The following KLHL26 variants were observed in gnomAD, a reference collection of about 807,000 sequenced individuals.
KLHL26 encodes the protein kelch like family member 26.
Under a neutral mutation model 7.1 loss-of-function variants are expected in KLHL26, and 4 were observed. The observed-to-expected ratio is 0.56, with a 90% CI of 0.28 to 1.28. KLHL26 has a LOEUF of 1.28. Ranked by LOEUF, KLHL26 falls within the 50% of genes most tolerant of loss-of-function variation. The pLI, the probability that KLHL26 is intolerant of heterozygous loss-of-function variation, is 0.11. For missense variants in KLHL26, 896 were observed against 924.6 expected (o/e 0.97, Z 0.40); for synonymous variants, 465 against 414.1 (o/e 1.12, Z -1.49).
At chr19:18,665,893 C>G (rs1044107146) in intron 2 of KLHL26, among the ~76,000 whole-genome samples, 1 of 152,308 alleles carries the variant, frequency 6.6e-6, no homozygotes. Flanking sequence ...CCCCGAGGCC[C>G]GGGCCGCCTG....
intron 1 of KLHL26, among the ~76,000 whole-genome samples, chr19:18,645,675 G>A (rs1162397434): frequency 6.6e-6 from 1 of 152,028 alleles, no homozygotes; most frequent in Non-Finnish European, 1.5e-5. Flanking sequence ...AGTCAGGTGT[G>A]GTGGTGGGCG....
chr19:18,666,646 C>T (rs569472676), intron 2 of KLHL26, among the ~76,000 whole-genome samples: 19 of 152,208 alleles, frequency 1.2e-4, no homozygotes, highest in African/African-American at 1.7e-4. Flanking sequence ...AGGCTGGGGA[C>T]GTAGCTGTTG....
chr19:18,664,626 G>T (rs1164094837), intron 2 of KLHL26, among the ~76,000 whole-genome samples, 183 bp downstream of exon 2: 1 of 151,940 alleles, frequency 6.6e-6, no homozygotes, highest in Non-Finnish European at 1.5e-5. Flanking sequence ...CTGTTGCCCA[G>T]GCTGGAGTGC....
chr19:18,655,586 C>T (rs2052321592), intron 1 of KLHL26, among the ~76,000 whole-genome samples: 1 of 150,892 alleles, frequency 6.6e-6, no homozygotes, highest in South Asian at 2.1e-4. Context: ...GGGCCAGGAG[C>T]CAAGACTGCA....
chr19:18,645,522 G>T (rs1450437690), intron 1 of KLHL26, among the ~76,000 whole-genome samples: 1 of 152,086 alleles, frequency 6.6e-6, no homozygotes, highest in Non-Finnish European at 1.5e-5. Context: ...TGCATAAGAA[G>T]TGGTGGCTAG....
rs761846649 is a variant in KLHL26, at chr19:18,667,766, C to A, written c.369C>A (p.Ser123Arg). ...GLRHIIDFAY[S>R]AEVTLDLDCV... ...GGCACATCATCGACTTCGCCTACAG[C>A]GCCGAGGTGACACTGGACCTGGACT... The change falls in exon 3 of 3, where the codon AGC becomes AGA. Residue 123 changes from serine (S) to arginine (R), a missense_variant. By Grantham distance (110) the Ser-to-Arg change is moderately radical. Transcript: ENST00000300976. The A allele has an allele frequency of 5.6e-6, 9 of 1,613,188 alleles. No homozygotes were observed. Among genetic ancestry groups the A allele is most frequent in the Non-Finnish European group, 6.8e-6 (8 of 1,180,008 alleles).
intron 2 of KLHL26, among the ~76,000 whole-genome samples, chr19:18,665,708 G>T (rs1044546789): frequency 3.3e-5 from 5 of 152,200 alleles, no homozygotes; most frequent in Non-Finnish European, 5.9e-5. Flanking sequence ...GCTGTGGGGT[G>T]GGGGGTGCTT....
chr19:18,645,051 C>T (rs1313693882), intron 1 of KLHL26, among the ~76,000 whole-genome samples: 1 of 152,172 alleles, frequency 6.6e-6, no homozygotes, highest in East Asian at 1.9e-4. Flanking sequence ...AACAAAAAAC[C>T]CGTTGCCTAG....
chr19:18,668,905 TG>T lies in KLHL26; in HGVS notation c.1510del (p.Val504TrpfsTer39), dbSNP rs1441544429. The T allele has an allele frequency of 1.9e-6, 3 of 1,604,250 alleles. No homozygotes were observed. Among genetic ancestry groups the T allele is most frequent in the Non-Finnish European group, 2.5e-6 (3 of 1,179,536 alleles). ...AGCGAACCCCGCGTGCTACACGCCA[TG>T]GTGGGTGCCGGCGGCCGCATCTATG... ...PMSEPRVLHA[M>X]VGAGGRIYAL... is the part of the protein sequence containing the mutation. On this transcript the variant is annotated frameshift_variant, in exon 3 of 3. Transcript: ENST00000300976. LOFTEE classifies it low-confidence loss of function (END_TRUNC).
At chr19:18,643,722 C>T (rs1255452840) in intron 1 of KLHL26, among the ~76,000 whole-genome samples, 2 of 151,950 alleles carry the variant, frequency 1.3e-5, no homozygotes, top group African/African-American at 4.8e-5. Context: ...AGGTTATCCG[C>T]CCACCTTGGC....
chr19:18,657,033 C>T (rs543025718), intron 1 of KLHL26, among the ~76,000 whole-genome samples: 38 of 151,480 alleles, frequency 2.5e-4, no homozygotes, highest in African/African-American at 9.2e-4. Context: ...GTCTCTGTCC[C>T]TCTGTTTCTG....
At chr19:18,640,551 A>AT (rs56247740) in intron 1 of KLHL26, among the ~76,000 whole-genome samples, 3,820 of 96,496 alleles carry the variant, frequency 0.04, 40 homozygotes, top group African/African-American at 0.05. Context: ...CTATGTTTTA[A>AT]TTTTTTTTTT....
chr19:18,651,742 G>A (rs983797558), intron 1 of KLHL26, among the ~76,000 whole-genome samples: 30 of 152,250 alleles, frequency 2.0e-4, no homozygotes, highest in African/African-American at 4.6e-4. Context: ...TTACCACCCC[G>A]ACATGCTAGA....
At chr19:18,660,658 C>T (rs995849898) in intron 1 of KLHL26, among the ~76,000 whole-genome samples, 2 of 152,182 alleles carry the variant, frequency 1.3e-5, no homozygotes, top group Non-Finnish European at 2.9e-5. Flanking sequence ...GCCCAGGCTG[C>T]GTCTCGCTTC....
At chr19:18,661,973 G>A (rs143553629) in intron 1 of KLHL26, among the ~76,000 whole-genome samples, 242 of 152,208 alleles carry the variant, frequency 1.6e-3, no homozygotes, top group African/African-American at 5.3e-3. Flanking sequence ...TCCACCTCCC[G>A]AACTCAAGTG....
chr19:18,658,136 C>T (rs1223149766), intron 1 of KLHL26, among the ~76,000 whole-genome samples: 3 of 152,126 alleles, frequency 2.0e-5, no homozygotes, highest in South Asian at 4.1e-4. Flanking sequence ...AGCAGGGGCA[C>T]GCTGGGCCGC....
intron 1 of KLHL26, among the ~76,000 whole-genome samples, chr19:18,651,516 T>C (rs2052256669): frequency 6.6e-6 from 1 of 152,198 alleles, no homozygotes; most frequent in African/African-American, 2.4e-5. Flanking sequence ...AGGGGAGGGA[T>C]GGTAAACACC....
rs542631427 is a variant in KLHL26, at chr19:18,637,819, C to T, written c.83+682C>T. On this transcript the variant is annotated intron_variant, in intron 1 of 2. Coordinates refer to ENST00000300976, the MANE Select transcript of KLHL26 (RefSeq NM_018316.3). The stretch of plus-strand genomic sequence containing the variant: ...CCTTCCATCCCCATGGGGTCCAAAT[C>T]CACATCCCCAACAGGCTAAAGGACT... Among the ~76,000 whole-genome samples the T allele has an allele frequency of 3.9e-5, 6 of 152,244 alleles. No individual in the cohort carries two copies. The East Asian group carries it at 1.2e-3, about 29-fold the overall frequency.
At chr19:18,664,562 G>A (rs1339579332) in intron 2 of KLHL26, 119 bp downstream of exon 2, 1 of 757,502 alleles carries the variant, frequency 1.3e-6, no homozygotes, top group East Asian at 2.8e-5. Context: ...CAGCTTCGAG[G>A]GAGAACGGCT....
Sources: allele counts gnomAD v4.1 joint callset (sites outside exome capture counted in the v4.1 genomes callset), GRCh38; gene constraint gnomAD v4.1.1; transcripts MANE v1.5; gene names NCBI Gene and HGNC (gene_info 2026-07-23, HGNC 2026-07-21).